ZNF90: variants seen among roughly 807,000 people sequenced by gnomAD.
The protein encoded by ZNF90 is zinc finger protein HTF9.
Under a neutral mutation model 12.0 loss-of-function variants are expected in ZNF90, and 11 were observed. The observed-to-expected ratio is 0.92, with a 90% CI of 0.58 to 1.52. ZNF90 has a LOEUF of 1.52. Among genes scored for constraint, ZNF90 ranks in the 40% most tolerant of loss-of-function variants. The probability of loss-of-function intolerance (pLI) is 0.00; values close to 1 mark genes in which losing one functional copy is unlikely to be tolerated. For missense variants in ZNF90, 765 were observed against 711.5 expected, an observed-to-expected ratio of 1.08 and a Z score of -0.86; for synonymous variants, 232 against 240.1, an observed-to-expected ratio of 0.97 and a Z score of 0.31.
At position 20,105,326 on chromosome 19, in the gene ZNF90, A is replaced by C. The variant is rs1555704297; in HGVS notation, c.226+10A>C. 1 of 1,598,618 alleles carries C rather than the reference A, an allele frequency of 6.3e-7. No individual in the cohort carries two copies. Among genetic ancestry groups the C allele is most frequent in the Non-Finnish European group, 8.5e-7 (1 of 1,171,986 alleles). The stretch of plus-strand genomic sequence containing the variant: ...ATTGCCAAATCCCCAGGTAGGTGCG[A>C]GTGAAAATGAATACAACAGACAACA... On this transcript the variant is annotated intron_variant, in intron 3 of 3. Coordinates refer to ENST00000418063, the MANE Select transcript of ZNF90 (RefSeq NM_007138.2).
Position 20,104,376 on chromosome 19 carries a change from G to C in ZNF90, c.130+11G>C, listed in dbSNP as rs782702995. 3.7e-5 allele frequency: 60 copies of C among 1,608,540 alleles called. No individual in the cohort carries two copies. In the Middle Eastern group the frequency reaches 6.6e-4, roughly 18 times the overall value. On this transcript the variant is annotated intron_variant, in intron 2 of 3. Transcript: ENST00000418063. ...ACCTGGTCTTCCTTGGTGAGGATAA[G>C]TGGAATACATAATTCATAATATACC...
At chr19:20,105,847 C>T (rs1195573380) in intron 3 of ZNF90, among the ~76,000 whole-genome samples, 1 of 151,968 alleles carries the variant, frequency 6.6e-6, no homozygotes, top group African/African-American at 2.4e-5. Context: ...TTTGGCTATT[C>T]AAAGTTTATT....
intron 3 of ZNF90, among the ~76,000 whole-genome samples, chr19:20,114,768 C>T (rs1239457480): frequency 2.0e-5 from 3 of 151,998 alleles, no homozygotes; most frequent in Admixed American, 2.0e-4. Flanking sequence ...GAGGAGTGTT[C>T]TCTATACCTT....
At chr19:20,078,815 T>C (rs1216648351) in intron 1 of ZNF90, among the ~76,000 whole-genome samples, 2 of 152,052 alleles carry the variant, frequency 1.3e-5, no homozygotes, top group Admixed American at 1.3e-4. Context: ...AAAACAGAAC[T>C]GCATTAGGGC....
intron 1 of ZNF90, among the ~76,000 whole-genome samples, chr19:20,094,139 A>G (rs2088924183): frequency 6.6e-6 from 1 of 152,224 alleles, no homozygotes; most frequent in South Asian, 2.1e-4. Flanking sequence ...TGGCTTAGGC[A>G]TTCTGAAGTT....
Position 20,117,955 on chromosome 19 carries a change from A to G in ZNF90, c.401A>G (p.Asn134Ser). Residue 134 changes from asparagine to serine, a missense_variant, in exon 4 of 4, where the codon AAC becomes AGC. Asn to Ser is a conservative substitution (Grantham distance 46, BLOSUM62 1). Coordinates refer to ENST00000418063, the MANE Select transcript of ZNF90 (RefSeq NM_007138.2). ...CACAAAAGAGGTTATAATGGACTTA[A>G]CCAATGTTTGACAGCTACCCAGAGC... Reference protein sequence around the residue: ...KVHKRGYNGLNQCLTATQSKV... With the variant: ...KVHKRGYNGLSQCLTATQSKV... 1 of 1,613,602 alleles carries G rather than the reference A, an allele frequency of 6.2e-7. No homozygotes were observed. Among genetic ancestry groups the G allele is most frequent in the Non-Finnish European group, 8.5e-7 (1 of 1,179,798 alleles).
At chr19:20,090,089 G>C (rs1393829144) in intron 1 of ZNF90, among the ~76,000 whole-genome samples, 1 of 152,186 alleles carries the variant, frequency 6.6e-6, no homozygotes, top group African/African-American at 2.4e-5. Flanking sequence ...GTGGTGGTTT[G>C]GGGATAGCAC....
chr19:20,085,949 A>C (rs1399498763), intron 1 of ZNF90, among the ~76,000 whole-genome samples: 1 of 152,172 alleles, frequency 6.6e-6, no homozygotes, highest in Non-Finnish European at 1.5e-5. Flanking sequence ...TTTTAATAGC[A>C]TACAGAAGCT....
intron 1 of ZNF90, among the ~76,000 whole-genome samples, chr19:20,091,963 G>A (rs2088906392): frequency 6.6e-6 from 1 of 152,172 alleles, no homozygotes; most frequent in South Asian, 2.1e-4. Flanking sequence ...TTGCTGGTGA[G>A]TGGTGATTAG....
At chr19:20,083,615 C>A (rs1366647179) in intron 1 of ZNF90, among the ~76,000 whole-genome samples, 1 of 152,172 alleles carries the variant, frequency 6.6e-6, no homozygotes, top group Non-Finnish European at 1.5e-5. Flanking sequence ...GCCTGAGCCA[C>A]CACGCCCAGG....
rs374193157 is a variant in ZNF90 at position 20,081,925 on chromosome 19, C to T, written c.3+3790C>T. Among the ~76,000 whole-genome samples, 141 of 152,016 alleles carry T rather than the reference C, an allele frequency of 9.3e-4. 1 individual carries two copies. The highest frequency in any genetic ancestry group is 7.0e-3 in the East Asian group (36 of 5,144). On this transcript the variant is annotated intron_variant, in intron 1 of 3. Coordinates refer to ENST00000418063, the MANE Select transcript of ZNF90 (RefSeq NM_007138.2). ...GACTACAGGCACGTGCCACTACCCC[C>T]GGCTAATTTTTTGTATTTTTAGTAG...
intron 3 of ZNF90, among the ~76,000 whole-genome samples, chr19:20,113,108 TATAA>T (rs2089104034): frequency 6.6e-6 from 1 of 152,238 alleles, no homozygotes; most frequent in South Asian, 2.1e-4. Flanking sequence ...TCTTTTCCTG[TATAA>T]ATATTATCCC....
intron 1 of ZNF90, among the ~76,000 whole-genome samples, chr19:20,086,318 G>A (rs1035847384): frequency 1.5e-5 from 2 of 135,712 alleles, no homozygotes; most frequent in African/African-American, 5.5e-5. Flanking sequence ...CACTGCAACC[G>A]CTGCCTCCCG....
At chr19:20,096,757 T>C (rs1029361655) in intron 1 of ZNF90, among the ~76,000 whole-genome samples, 35 of 152,166 alleles carry the variant, frequency 2.3e-4, no homozygotes, top group Non-Finnish European at 3.8e-4. Context: ...ATGCGATGGC[T>C]TGGCTTGGGC....
chr19:20,103,592 A>G (rs2089007014), intron 1 of ZNF90, among the ~76,000 whole-genome samples: 2 of 152,236 alleles, frequency 1.3e-5, no homozygotes, highest in African/African-American at 4.8e-5. Context: ...GCTGATATGT[A>G]TAAACCAGCA....
intron 1 of ZNF90, among the ~76,000 whole-genome samples, chr19:20,098,094 G>A (rs186458404): frequency 5.3e-5 from 8 of 151,784 alleles, no homozygotes; most frequent in Non-Finnish European, 1.2e-4. Context: ...TTATATTCAC[G>A]TTGTGTCAGC....
At position 20,119,981 on chromosome 19, in the gene ZNF90, A is replaced by G. The variant is rs969050750; in HGVS notation, c.*621A>G. Reference sequence around the variant, plus strand: ...GACAGTGCTTTTACCACCACCTCCAACTTTTCTGTACATAAAGATGATTAT... The same window carrying G: ...GACAGTGCTTTTACCACCACCTCCAGCTTTTCTGTACATAAAGATGATTAT... On this transcript the variant is annotated 3_prime_UTR_variant, in exon 4 of 4. Coordinates refer to ENST00000418063, the MANE Select transcript of ZNF90 (RefSeq NM_007138.2). Among the ~76,000 whole-genome samples, 1 of 152,150 alleles carries G rather than the reference A, an allele frequency of 6.6e-6. No individual in the cohort carries two copies. Among genetic ancestry groups the G allele is most frequent in the African/African-American group, 2.4e-5 (1 of 41,428 alleles).
intron 1 of ZNF90, among the ~76,000 whole-genome samples, chr19:20,092,402 G>T (rs2088909741): frequency 6.6e-6 from 1 of 152,124 alleles, no homozygotes; most frequent in Non-Finnish European, 1.5e-5. Flanking sequence ...ATGCGATCCT[G>T]GTCCTTGTGT....
intron 1 of ZNF90, among the ~76,000 whole-genome samples, chr19:20,089,107 G>T (rs1168713573): frequency 6.6e-6 from 1 of 152,154 alleles, no homozygotes; most frequent in Non-Finnish European, 1.5e-5. Flanking sequence ...TGAAAGGGGT[G>T]TCTTGTACCC....
Sources: allele counts gnomAD v4.1 joint callset (sites outside exome capture counted in the v4.1 genomes callset), GRCh38; gene constraint gnomAD v4.1.1; transcripts MANE v1.5; gene names NCBI Gene and HGNC (gene_info 2026-07-23, HGNC 2026-07-21).